The following IGLL5 variants were observed in gnomAD, a reference collection of about 807,000 sequenced individuals.
IGLL5 encodes immunoglobulin lambda-like polypeptide 5.
A neutral mutation model predicts 20.9 loss-of-function variants in IGLL5; 30 were observed. That is an observed-to-expected ratio of 1.44 (90% CI 1.07 to 1.95). The LOEUF is 1.95. IGLL5 is among the 30% of genes most tolerant of loss of function. The pLI is 0.00. For missense variants in IGLL5, 475 were observed against 270.7 expected, an observed-to-expected ratio of 1.75 and a Z score of -5.30; for synonymous variants, 203 against 117.3, an observed-to-expected ratio of 1.73 and a Z score of -4.72.
At chr22:22,888,455 T>C (rs144484198) in intron 1 of IGLL5, among the ~76,000 whole-genome samples, 196 bp downstream of exon 1, 13 of 151,334 alleles carry the variant, frequency 8.6e-5, no homozygotes, top group East Asian at 4.0e-4. Flanking sequence ...AATATCATAT[T>C]ACGATATTAT....
intron 2 of IGLL5, among the ~76,000 whole-genome samples, chr22:22,894,343 A>C (rs2068019602): frequency 1.3e-5 from 2 of 151,416 alleles, no homozygotes; most frequent in African/African-American, 4.8e-5. Flanking sequence ...GAGGGCACAG[A>C]GAGGGCTCTG....
chr22:22,894,403 A>G (rs151332750), intron 2 of IGLL5, among the ~76,000 whole-genome samples: 4 of 151,402 alleles, frequency 2.6e-5, no homozygotes, highest in African/African-American at 7.3e-5. Flanking sequence ...GGACATGGGG[A>G]CACAGAGGGA....
chr22:22,894,772 A>G (rs1601628548), intron 2 of IGLL5, among the ~76,000 whole-genome samples: 2 of 151,192 alleles, frequency 1.3e-5, no homozygotes, highest in East Asian at 2.0e-4. Context: ...GACAGGAAAC[A>G]TCTCAGAGCC....
intron 1 of IGLL5, among the ~76,000 whole-genome samples, chr22:22,889,090 G>A (rs2067684697): frequency 6.6e-6 from 1 of 151,222 alleles, no homozygotes; most frequent in African/African-American, 2.4e-5. Context: ...TTGATTATCA[G>A]AGTCAGATTT....
chr22:22,896,035 G>GACA lies in IGLL5; in HGVS notation c.*341_*342insACA. On this transcript the variant is annotated 3_prime_UTR_variant, in exon 3 of 3. Coordinates refer to ENST00000526893, the MANE Select transcript of IGLL5 (RefSeq NM_001178126.2). ...TCTCCACTGTACCCCTGAGCTACCAGTCTGGCATCAGTTCAGACCAGTCCC... is the reference window on the plus strand; with the variant it reads ...TCTCCACTGTACCCCTGAGCTACCAGACATCTGGCATCAGTTCAGACCAGTCCC... The GACA allele has an allele frequency of 2.1e-6, 1 of 480,880 alleles. No individual in the cohort carries two copies. Among genetic ancestry groups the GACA allele is most frequent in the Non-Finnish European group, 3.8e-6 (1 of 264,062 alleles). The allele number at this position is 480,880 out of a possible 1,614,324, so 29.8% of individuals were successfully genotyped here.
intron 1 of IGLL5, among the ~76,000 whole-genome samples, chr22:22,891,083 T>C (rs2067831789): frequency 6.6e-6 from 1 of 151,280 alleles, no homozygotes; most frequent in South Asian, 2.1e-4. Flanking sequence ...ACCATAAAAC[T>C]GTGGTAAATT....
At chr22:22,888,825 A>G (rs566330597) in intron 1 of IGLL5, among the ~76,000 whole-genome samples, 10 of 151,346 alleles carry the variant, frequency 6.6e-5, no homozygotes, top group East Asian at 2.0e-4. Flanking sequence ...AGTCATTGGA[A>G]CAGGCCCACG....
intron 1 of IGLL5, 136 bp downstream of exon 1, chr22:22,888,395 T>C (rs565327649): frequency 1.6e-5 from 11 of 679,006 alleles, no homozygotes; most frequent in East Asian, 5.5e-5. Flanking sequence ...CTGGCTTTAG[T>C]AATGGGTTGA....
At chr22:22,888,475 T>A (rs140132136) in intron 1 of IGLL5, among the ~76,000 whole-genome samples, 1 of 151,406 alleles carries the variant, frequency 6.6e-6, no homozygotes, top group African/African-American at 2.4e-5. Context: ...TTTTTCTTGA[T>A]TTCTGAGTTT....
intron 1 of IGLL5, among the ~76,000 whole-genome samples, chr22:22,889,801 T>C (rs2067754469): frequency 6.6e-6 from 1 of 151,294 alleles, no homozygotes; most frequent in South Asian, 2.1e-4. Flanking sequence ...CTCGCTATAT[T>C]GCTCAGGCCT....
rs140298238 is a variant in IGLL5 at position 22,888,178 on chromosome 22, T to C, written c.125T>C (p.Met42Thr). The change falls in exon 1 of 3, where the codon ATG (methionine) becomes ACG (threonine). Residue 42 changes from methionine (M) to threonine (T), a missense_variant. Transcript: ENST00000526893. ...AMVAHGLLRP[M>T]VAPQSGDPDP... is the part of the protein sequence containing the mutation. ...GTCGCCCATGGCCTGCTGCGCCCAA[T>C]GGTTGCACCGCAAAGCGGGGACCCA... 9.0e-6 allele frequency: 14 copies of C among 1,548,814 alleles called. No individual in the cohort carries two copies. The highest frequency in any genetic ancestry group is 3.9e-5 in the Admixed American group (2 of 50,776).
At chr22:22,894,962 A>G (rs531948939) in intron 2 of IGLL5, among the ~76,000 whole-genome samples, 1 of 151,336 alleles carries the variant, frequency 6.6e-6, no homozygotes, top group Admixed American at 6.6e-5. Context: ...GGGGACCCAC[A>G]GTTCACGGAG....
Position 22,887,838 on chromosome 22 carries a change from T to G in IGLL5, c.-216T>G, listed in dbSNP as rs2067550930. 2 of 604,916 alleles carry G rather than the reference T, an allele frequency of 3.3e-6. No homozygotes were observed. The highest frequency in any genetic ancestry group is 2.8e-5 in the East Asian group (1 of 35,894). 37.5% of individuals were successfully genotyped at this position (604,916 alleles called of 1,614,324 possible). Reference sequence around the variant, plus strand: ...ATTGTGACCGCTTCAGGGCAGTTGGTAGATGCCCCTCTGGGAGAGATCCCC... The same window carrying G: ...ATTGTGACCGCTTCAGGGCAGTTGGGAGATGCCCCTCTGGGAGAGATCCCC... On this transcript the variant is annotated 5_prime_UTR_variant, in exon 1 of 3. Coordinates refer to ENST00000526893, the MANE Select transcript of IGLL5 (RefSeq NM_001178126.2).
intron 2 of IGLL5, 146 bp downstream of exon 2, chr22:22,893,964 CATTA>C: frequency 1.4e-6 from 1 of 689,848 alleles, no homozygotes; most frequent in Non-Finnish European, 2.6e-6. Flanking sequence ...GGAGGAGGTG[CATTA>C]GTCTCCGGGT....
chr22:22,889,432 A>C (rs142632169), intron 1 of IGLL5, among the ~76,000 whole-genome samples: 2 of 151,234 alleles, frequency 1.3e-5, no homozygotes, highest in Admixed American at 6.6e-5. Context: ...ACTTCTAGGA[A>C]TTTATCCTAA....
intron 1 of IGLL5, among the ~76,000 whole-genome samples, chr22:22,890,084 A>G (rs2067773802): frequency 1.3e-5 from 2 of 150,640 alleles, no homozygotes; most frequent in South Asian, 2.1e-4. Context: ...TACAACAGTA[A>G]TGTACTCATG....
intron 2 of IGLL5, among the ~76,000 whole-genome samples, chr22:22,894,242 T>C (rs567473653): frequency 1.3e-5 from 2 of 150,822 alleles, no homozygotes; most frequent in Admixed American, 1.3e-4. Context: ...CAAGAACAGC[T>C]GAGGGTCTAG....
chr22:22,892,177 T>G (rs1160464196), intron 1 of IGLL5, among the ~76,000 whole-genome samples: 2 of 151,296 alleles, frequency 1.3e-5, no homozygotes, highest in Non-Finnish European at 2.9e-5. Context: ...CTTCAGTAAC[T>G]TAATAAAAGG....
intron 1 of IGLL5, among the ~76,000 whole-genome samples, chr22:22,889,620 A>T (rs2067739763): frequency 6.6e-6 from 1 of 151,346 alleles, no homozygotes; most frequent in Middle Eastern, 3.7e-3. Flanking sequence ...AACAGTCTTG[A>T]TCTGTTGCTC....
Sources: allele counts gnomAD v4.1 joint callset (sites outside exome capture counted in the v4.1 genomes callset), GRCh38; gene constraint gnomAD v4.1.1; transcripts MANE v1.5; gene names NCBI Gene and HGNC (gene_info 2026-07-23, HGNC 2026-07-21).